Variants in STXBP5 observed in about 807,000 individuals in gnomAD.
The protein encoded by STXBP5 is syntaxin-binding protein 5.
In STXBP5, 50 loss-of-function variants were observed where a neutral mutation model predicts 152.4. The ratio of observed to expected loss-of-function variants is 0.33; its 90% CI spans 0.26 to 0.42. The LOEUF is 0.42. Ranked by LOEUF, STXBP5 falls within the 10% of genes least tolerant of loss-of-function variation. STXBP5 has a pLI of 1.00. For missense variants in STXBP5, 1,167 were observed against 1,388.6 expected, an observed-to-expected ratio of 0.84 and a Z score of 2.54; for synonymous variants, 492 against 494.7, an observed-to-expected ratio of 0.99 and a Z score of 0.07.
chr6:147,246,710 A>G (rs538734248), intron 4 of STXBP5, among the ~76,000 whole-genome samples: 25 of 152,282 alleles, frequency 1.6e-4, no homozygotes, highest in African/African-American at 6.0e-4. Context: ...CTTTCATTCT[A>G]AAGTAATGAA....
intron 2 of STXBP5, among the ~76,000 whole-genome samples, chr6:147,216,555 TTA>T (rs1398751425): frequency 3.3e-5 from 5 of 152,198 alleles, no homozygotes; most frequent in African/African-American, 9.6e-5. Flanking sequence ...TGAAAATATT[TTA>T]TAGTTGCCCA....
intron 4 of STXBP5, among the ~76,000 whole-genome samples, chr6:147,258,574 C>T (rs1779493674): frequency 1.3e-5 from 2 of 152,108 alleles, no homozygotes; most frequent in Non-Finnish European, 2.9e-5. Flanking sequence ...GCTGGAACTA[C>T]AGGTGCCCAC....
chr6:147,342,428 T>TA (rs1460084064), intron 21 of STXBP5, among the ~76,000 whole-genome samples: 12 of 152,238 alleles, frequency 7.9e-5, no homozygotes, highest in African/African-American at 1.9e-4. Flanking sequence ...GAGCAGCCTA[T>TA]AAAAAAATAG....
intron 21 of STXBP5, among the ~76,000 whole-genome samples, chr6:147,344,837 C>A (rs1784250895): frequency 6.6e-6 from 1 of 152,092 alleles, no homozygotes; most frequent in Admixed American, 6.5e-5. Flanking sequence ...GTATTCGGTA[C>A]AGAATTCTCT....
intron 8 of STXBP5, among the ~76,000 whole-genome samples, chr6:147,284,013 C>G (rs1384122625): frequency 1.3e-5 from 2 of 152,256 alleles, no homozygotes; most frequent in East Asian, 3.9e-4. Context: ...TAAAAAGAAA[C>G]AGGTAAAACT....
intron 9 of STXBP5, chr6:147,292,310 A>G: frequency 2.2e-6 from 1 of 446,534 alleles, no homozygotes; most frequent in South Asian, 1.6e-5. Context: ...AATAGATTAA[A>G]TGAACTCTAA....
At chr6:147,338,815 G>C (rs1008326724) in intron 19 of STXBP5, among the ~76,000 whole-genome samples, 2 of 151,542 alleles carry the variant, frequency 1.3e-5, no homozygotes, top group African/African-American at 4.8e-5. Flanking sequence ...GGTTCTGCTA[G>C]AGAAACCTTA....
chr6:147,345,794 G>C (rs1002922679), intron 21 of STXBP5, among the ~76,000 whole-genome samples: 1 of 152,158 alleles, frequency 6.6e-6, no homozygotes, highest in Non-Finnish European at 1.5e-5. Context: ...TGTTTAATTT[G>C]CTTCTCTTGG....
chr6:147,269,143 C>T (rs1780032041), intron 7 of STXBP5, among the ~76,000 whole-genome samples: 1 of 152,208 alleles, frequency 6.6e-6, no homozygotes, highest in South Asian at 2.1e-4. Context: ...GGATAAGATC[C>T]ACCAAAAAGG....
intron 2 of STXBP5, among the ~76,000 whole-genome samples, chr6:147,206,319 A>G (rs536750866): frequency 1.8e-4 from 27 of 152,256 alleles, no homozygotes; most frequent in South Asian, 4.1e-4. Flanking sequence ...TATGATAACT[A>G]TTTTATTTGT....
At chr6:147,331,610 GGTT>G (rs1354262374) in intron 18 of STXBP5, among the ~76,000 whole-genome samples, 14 of 152,108 alleles carry the variant, frequency 9.2e-5, no homozygotes, top group African/African-American at 9.7e-5. Context: ...GCATTCAGGT[GGTT>G]GTTTTGTTAC....
At chr6:147,208,551 G>T (rs1405363944) in intron 2 of STXBP5, among the ~76,000 whole-genome samples, 1 of 152,010 alleles carries the variant, frequency 6.6e-6, no homozygotes, top group African/African-American at 2.4e-5. Context: ...GGTTTCTTTT[G>T]ATCCTTTATT....
chr6:147,320,301 G>A (rs1008798800), intron 16 of STXBP5, among the ~76,000 whole-genome samples: 6 of 152,108 alleles, frequency 3.9e-5, no homozygotes, highest in African/African-American at 1.2e-4. Context: ...CCTCCCAGTC[G>A]TGGCAGTATT....
chr6:147,257,844 G>C (rs540965686), intron 4 of STXBP5, among the ~76,000 whole-genome samples: 1 of 152,178 alleles, frequency 6.6e-6, no homozygotes, highest in Non-Finnish European at 1.5e-5. Flanking sequence ...CAGCCATTTT[G>C]TTGGCTCATA....
At chr6:147,334,480 C>A (rs919435517) in intron 19 of STXBP5, among the ~76,000 whole-genome samples, 3 of 152,046 alleles carry the variant, frequency 2.0e-5, no homozygotes, top group African/African-American at 7.2e-5. Flanking sequence ...TATATTTACA[C>A]CTTTTTTAGA....
At chr6:147,309,728 A>T (rs1219357673) in intron 9 of STXBP5, among the ~76,000 whole-genome samples, 2 of 152,102 alleles carry the variant, frequency 1.3e-5, no homozygotes, top group African/African-American at 4.8e-5. Flanking sequence ...TCTCTGTGGG[A>T]GCTTCTATTG....
At chr6:147,303,933 C>T (rs1291625742) in intron 9 of STXBP5, among the ~76,000 whole-genome samples, 2 of 152,102 alleles carry the variant, frequency 1.3e-5, no homozygotes, top group African/African-American at 2.4e-5. Flanking sequence ...TTGGTGTTAT[C>T]TGGTGGAAGA....
chr6:147,324,285 T>G (rs1250425733), intron 16 of STXBP5, among the ~76,000 whole-genome samples: 1 of 139,124 alleles, frequency 7.2e-6, no homozygotes, highest in Non-Finnish European at 1.5e-5. Context: ...TTTTTTTTTT[T>G]TTTTGAGACA....
intron 19 of STXBP5, among the ~76,000 whole-genome samples, chr6:147,334,764 C>T (rs1376690794): frequency 1.3e-5 from 2 of 151,898 alleles, no homozygotes; most frequent in Non-Finnish European, 2.9e-5. Context: ...TTTTTATTAT[C>T]TTTGGAGACC....
Sources: allele counts gnomAD v4.1 joint callset (sites outside exome capture counted in the v4.1 genomes callset), GRCh38; gene constraint gnomAD v4.1.1; transcripts MANE v1.5; gene names NCBI Gene and HGNC (gene_info 2026-07-23, HGNC 2026-07-21).